RBFOX1: variants seen among roughly 807,000 people sequenced by gnomAD.
RBFOX1 encodes the protein RNA binding fox-1 homolog 1.
Under a neutral mutation model 57.7 loss-of-function variants are expected in RBFOX1, and 8 were observed. That is an observed-to-expected ratio of 0.14 (90% CI 0.08 to 0.25). The LOEUF (loss-of-function observed/expected upper bound fraction) is 0.25, where lower values mean the gene tolerates loss of function less well. RBFOX1 is among the 10% of genes least tolerant of loss of function. The pLI is 1.00. For synonymous variants in RBFOX1, 326 were observed against 222.4 expected (o/e 1.47, Z -4.15); for missense variants, 611 against 548.5 (o/e 1.11, Z -1.14).
intron 4 of RBFOX1, among the ~76,000 whole-genome samples, chr16:7,467,131 G>T (rs372424716): frequency 6.6e-6 from 1 of 152,162 alleles, no homozygotes; most frequent in Non-Finnish European, 1.5e-5. Context: ...ATCTAACAGA[G>T]GTAACTGATA....
intron 7 of RBFOX1, among the ~76,000 whole-genome samples, chr16:7,593,541 A>T (rs2094546743): frequency 6.6e-6 from 1 of 152,214 alleles, no homozygotes; most frequent in Non-Finnish European, 1.5e-5. Context: ...ACAGAGCCTC[A>T]CTATGGGAAA....
At chr16:7,058,626 G>A (rs1356709134) in intron 4 of RBFOX1, among the ~76,000 whole-genome samples, 4 of 151,666 alleles carry the variant, frequency 2.6e-5, no homozygotes, top group African/African-American at 9.7e-5. Flanking sequence ...ATTTTTGCAT[G>A]CAAAAAAAGA....
chr16:7,227,593 G>T (rs370363336), intron 4 of RBFOX1, among the ~76,000 whole-genome samples: 1 of 152,164 alleles, frequency 6.6e-6, no homozygotes, highest in African/African-American at 2.4e-5. Context: ...GCAAAGCCCG[G>T]ATGCCAGCTG....
chr16:5,551,600 T>C (rs1248797665), intron 2 of RBFOX1, among the ~76,000 whole-genome samples: 1 of 152,182 alleles, frequency 6.6e-6, no homozygotes, highest in African/African-American at 2.4e-5. Context: ...AGCACGGTGA[T>C]TCGGTGTGTG....
intron 2 of RBFOX1, among the ~76,000 whole-genome samples, chr16:6,450,818 CATATAT>C (rs1305191127): frequency 0.32 from 5,759 of 17,772 alleles, 1,204 homozygotes; most frequent in Admixed American, 0.36. Context: ...TATATATATA[CATATAT>C]ATATATATAT....
chr16:6,787,196 C>T (rs925098897), intron 3 of RBFOX1, among the ~76,000 whole-genome samples: 2 of 152,086 alleles, frequency 1.3e-5, no homozygotes, highest in African/African-American at 4.8e-5. Flanking sequence ...GTATGTGGCA[C>T]GCTTGGACAG....
At chr16:5,836,845 C>T (rs952965743) in intron 3 of RBFOX1, among the ~76,000 whole-genome samples, 2 of 152,182 alleles carry the variant, frequency 1.3e-5, no homozygotes, top group African/African-American at 4.8e-5. Flanking sequence ...TGCTTGTCCA[C>T]ATCAGCCCAG....
chr16:7,031,598 C>G (rs1273358402), intron 3 of RBFOX1, among the ~76,000 whole-genome samples: 1 of 135,058 alleles, frequency 7.4e-6, no homozygotes, highest in African/African-American at 3.2e-5. Context: ...GAGACCCTGC[C>G]TAAAAAAAAA....
intron 3 of RBFOX1, among the ~76,000 whole-genome samples, chr16:6,928,630 C>T (rs907376368): frequency 5.9e-5 from 9 of 152,156 alleles, no homozygotes; most frequent in African/African-American, 1.9e-4. Flanking sequence ...AGGTCTCTAG[C>T]AGCCTTGCAT....
intron 3 of RBFOX1, among the ~76,000 whole-genome samples, chr16:5,777,078 C>T (rs972795281): frequency 6.6e-6 from 1 of 152,210 alleles, no homozygotes; most frequent in Non-Finnish European, 1.5e-5. Flanking sequence ...TCCATTGCTG[C>T]TGGAGCAAAT....
chr16:7,153,915 C>T (rs893097125), intron 4 of RBFOX1, among the ~76,000 whole-genome samples: 4 of 151,280 alleles, frequency 2.6e-5, no homozygotes, highest in Non-Finnish European at 4.4e-5. Flanking sequence ...AGGCATTAAA[C>T]CTGGTTTTAA....
chr16:6,389,879 T>C (rs2092507171), intron 2 of RBFOX1, among the ~76,000 whole-genome samples: 3 of 152,192 alleles, frequency 2.0e-5, no homozygotes, highest in Admixed American at 2.0e-4. Flanking sequence ...TTGTACCTCT[T>C]TGAGCTACTT....
At chr16:7,402,974 A>C (rs904987750) in intron 4 of RBFOX1, among the ~76,000 whole-genome samples, 1 of 152,168 alleles carries the variant, frequency 6.6e-6, no homozygotes, top group Non-Finnish European at 1.5e-5. Flanking sequence ...TTTCTCCTCC[A>C]ATCTGATCTT....
intron 4 of RBFOX1, among the ~76,000 whole-genome samples, chr16:7,444,977 A>G (rs1257442696): frequency 6.6e-6 from 1 of 152,110 alleles, no homozygotes; most frequent in Non-Finnish European, 1.5e-5. Context: ...AACATGTTCT[A>G]ACTCTTATTG....
At chr16:6,452,559 G>C (rs546556809) in intron 2 of RBFOX1, among the ~76,000 whole-genome samples, 1 of 152,308 alleles carries the variant, frequency 6.6e-6, no homozygotes, top group East Asian at 1.9e-4. Context: ...GATGTACCTA[G>C]AGATCGTCAA....
chr16:6,506,674 G>T (rs1598446778), intron 2 of RBFOX1, among the ~76,000 whole-genome samples: 1 of 98,592 alleles, frequency 1.0e-5, no homozygotes. Context: ...TTGAGATGGA[G>T]TCTCGCTTTG....
intron 15 of RBFOX1, chr16:7,709,784 G>GGGTGGGGTGAACTTGC: frequency 8.2e-7 from 1 of 1,226,388 alleles, no homozygotes; most frequent in South Asian, 1.6e-5. Context: ...TGGGAGGTAA[G>GGGTGGGGTGAACTTGC]GGTGGGGTGA....
At chr16:7,693,434 T>TTC (rs1555787091) in intron 14 of RBFOX1, 9 of 1,172,914 alleles carry the variant, frequency 7.7e-6, no homozygotes, top group African/African-American at 4.8e-5. Context: ...TTTTTTTTTT[T>TTC]CTTCTTCACA....
intron 3 of RBFOX1, among the ~76,000 whole-genome samples, chr16:6,655,205 A>G (rs1188078370): frequency 6.6e-6 from 1 of 151,250 alleles, no homozygotes. Context: ...GAAACCCCGT[A>G]TCTACTAAAA....
Sources: gnomAD v4.1 joint callset for allele counts (sites outside exome capture counted in the v4.1 genomes callset) on GRCh38, gnomAD v4.1.1 for gene constraint, MANE v1.5 for transcripts, NCBI Gene and HGNC (gene_info 2026-07-23, HGNC 2026-07-21) for gene names.